The following NALF1 variants were observed in gnomAD, a reference collection of about 807,000 sequenced individuals.
NALF1 encodes family with sequence similarity 155 member A.
In NALF1, 3 loss-of-function variants were observed where a neutral mutation model predicts 48.4. That is an observed-to-expected ratio of 0.06 (90% CI 0.03 to 0.16). The LOEUF (loss-of-function observed/expected upper bound fraction) is 0.16, where lower values mean the gene tolerates loss of function less well. Ranked by LOEUF, NALF1 falls within the 10% of genes least tolerant of loss-of-function variation. The pLI is 1.00. For missense variants in NALF1, 526 were observed against 571.5 expected (o/e 0.92, Z 0.81); for synonymous variants, 262 against 245.7 (o/e 1.07, Z -0.62).
At chr13:107,602,209 T>C (rs1015498091) in intron 1 of NALF1, among the ~76,000 whole-genome samples, 4 of 152,162 alleles carry the variant, frequency 2.6e-5, no homozygotes, top group Admixed American at 2.0e-4. Context: ...CTACAGATTA[T>C]TCAGTTCTAA....
At chr13:107,421,230 G>A (rs2139008944) in intron 1 of NALF1, among the ~76,000 whole-genome samples, 1 of 152,230 alleles carries the variant, frequency 6.6e-6, no homozygotes, top group South Asian at 2.1e-4. Flanking sequence ...GAGCTCAGAT[G>A]ATTCATAACC....
chr13:107,192,280 C>T (rs1479917082), intron 2 of NALF1, among the ~76,000 whole-genome samples: 1 of 152,174 alleles, frequency 6.6e-6, no homozygotes, highest in Admixed American at 6.5e-5. Context: ...GACCCTGACC[C>T]AAACGACGGA....
At chr13:107,191,532 A>G (rs1265840631) in intron 2 of NALF1, among the ~76,000 whole-genome samples, 2 of 152,206 alleles carry the variant, frequency 1.3e-5, no homozygotes, top group Non-Finnish European at 1.5e-5. Flanking sequence ...CAGTTTTTGA[A>G]GTACATGTTT....
chr13:107,732,849 C>T (rs975382652), intron 1 of NALF1, among the ~76,000 whole-genome samples: 3 of 152,160 alleles, frequency 2.0e-5, no homozygotes, highest in African/African-American at 7.2e-5. Context: ...ATCTATGCTT[C>T]ATTTTTCACT....
chr13:107,325,299 A>G (rs1882330306), intron 1 of NALF1, among the ~76,000 whole-genome samples: 1 of 150,834 alleles, frequency 6.6e-6, no homozygotes, highest in Non-Finnish European at 1.5e-5. Flanking sequence ...AGAATGCATG[A>G]TGATGATGAG....
intron 1 of NALF1, among the ~76,000 whole-genome samples, chr13:107,298,625 T>C (rs1250031087): frequency 6.6e-6 from 1 of 151,874 alleles, no homozygotes. Flanking sequence ...AGAGATGCGG[T>C]TTCACCATGG....
At chr13:107,660,068 A>T (rs961546637) in intron 1 of NALF1, among the ~76,000 whole-genome samples, 1 of 152,104 alleles carries the variant, frequency 6.6e-6, no homozygotes, top group Non-Finnish European at 1.5e-5. Context: ...TCTGAGTCTA[A>T]TGAAGGCTTG....
At chr13:107,428,774 G>A (rs1884325034) in intron 1 of NALF1, among the ~76,000 whole-genome samples, 1 of 152,086 alleles carries the variant, frequency 6.6e-6, no homozygotes, top group Admixed American at 6.6e-5. Flanking sequence ...ATTGTCTATG[G>A]TGGCTTCTTG....
chr13:107,414,264 GAATT>G (rs1251968130), intron 1 of NALF1, among the ~76,000 whole-genome samples: 2 of 151,592 alleles, frequency 1.3e-5, no homozygotes, highest in African/African-American at 4.8e-5. Context: ...ATTCCACCTG[GAATT>G]AATTTGGTAA....
At chr13:107,712,357 CA>C (rs1328647179) in intron 1 of NALF1, among the ~76,000 whole-genome samples, 2 of 152,146 alleles carry the variant, frequency 1.3e-5, no homozygotes, top group Admixed American at 6.5e-5. Flanking sequence ...GAATGCAAAA[CA>C]AACAGGCAGT....
At chr13:107,532,365 T>G (rs1876666056) in intron 1 of NALF1, among the ~76,000 whole-genome samples, 1 of 152,104 alleles carries the variant, frequency 6.6e-6, no homozygotes, top group East Asian at 1.9e-4. Flanking sequence ...GAGCTCTCAT[T>G]ATGGACTGTT....
intron 1 of NALF1, among the ~76,000 whole-genome samples, chr13:107,216,829 T>C (rs921392881): frequency 6.6e-6 from 1 of 152,146 alleles, no homozygotes; most frequent in Non-Finnish European, 1.5e-5. Context: ...GCAAGCCCAG[T>C]TGGCCAATCA....
At chr13:107,409,322 T>C (rs1373049564) in intron 1 of NALF1, among the ~76,000 whole-genome samples, 1 of 152,170 alleles carries the variant, frequency 6.6e-6, no homozygotes, top group Non-Finnish European at 1.5e-5. Context: ...TTTGAGTTTG[T>C]GGTCTTGGGA....
At position 107,657,145 on chromosome 13, in the gene NALF1, AC is replaced by A. The variant is rs572846438; in HGVS notation, c.915+208536del. On this transcript the variant is annotated intron_variant, in intron 1 of 2. Coordinates refer to ENST00000375915, the MANE Select transcript of NALF1 (RefSeq NM_001080396.3). ...GAACTTATTCATGCAACCAAACAAT[AC>A]CTGTTCGCCAAAAACCTATTGAAAT... 5.7e-3 allele frequency among the ~76,000 whole-genome samples: 869 copies of A among 151,430 alleles called. 11 individuals are homozygous for A. Among genetic ancestry groups the A allele is most frequent in the African/African-American group, 0.02 (840 of 41,364 alleles).
At chr13:107,334,881 A>C (rs1326720922) in intron 1 of NALF1, among the ~76,000 whole-genome samples, 1 of 152,144 alleles carries the variant, frequency 6.6e-6, no homozygotes, top group Non-Finnish European at 1.5e-5. Flanking sequence ...TTGCTGGGTG[A>C]AATGAAAAGC....
At chr13:107,695,500 A>G (rs1881677976) in intron 1 of NALF1, among the ~76,000 whole-genome samples, 1 of 152,176 alleles carries the variant, frequency 6.6e-6, no homozygotes, top group Non-Finnish European at 1.5e-5. Context: ...TCATGGTTTT[A>G]TACCCAAATG....
intron 1 of NALF1, among the ~76,000 whole-genome samples, chr13:107,820,859 G>A (rs978497581): frequency 5.3e-5 from 8 of 152,036 alleles, no homozygotes; most frequent in Admixed American, 6.6e-5. Flanking sequence ...TTAGAAACCC[G>A]GCAGCAAAAT....
chr13:107,271,795 TATATATATATATATATATA>T (rs1438900213), intron 1 of NALF1, among the ~76,000 whole-genome samples: 101 of 134,032 alleles, frequency 7.5e-4, no homozygotes, highest in Admixed American at 2.0e-3. Context: ...TATATATATA[TATATATATATATATATATA>T]TATTTATATA....
chr13:107,299,114 T>C (rs1881784103), intron 1 of NALF1, among the ~76,000 whole-genome samples: 1 of 152,198 alleles, frequency 6.6e-6, no homozygotes, highest in Admixed American at 6.5e-5. Context: ...ATAGCTCTCA[T>C]CTGGGTTTTG....
Sources: allele counts gnomAD v4.1 joint callset (sites outside exome capture counted in the v4.1 genomes callset), GRCh38; gene constraint gnomAD v4.1.1; transcripts MANE v1.5; gene names NCBI Gene and HGNC (gene_info 2026-07-23, HGNC 2026-07-21).